Variants in CFAP54 observed in about 807,000 individuals in gnomAD.
The protein encoded by CFAP54 is cilia- and flagella-associated protein 54.
CFAP54 carries 290 observed loss-of-function variants against 370.4 expected under a neutral mutation model. That is an observed-to-expected ratio of 0.78 (90% CI 0.71 to 0.86). The LOEUF (loss-of-function observed/expected upper bound fraction) is 0.86, where lower values mean the gene tolerates loss of function less well. Among genes scored for constraint, CFAP54 ranks in the 40% least tolerant of loss-of-function variants. The pLI is 0.00. For synonymous variants in CFAP54, 1,206 were observed against 1,236.5 expected (o/e 0.98, Z 0.52); for missense variants, 3,399 against 3,528.7 (o/e 0.96, Z 0.93).
At chr12:96,538,276 A>G in intron 12 of CFAP54, 108 bp from the exon 13 acceptor site, 3 of 969,274 alleles carry the variant, frequency 3.1e-6, no homozygotes, top group Non-Finnish European at 4.5e-6. Context: ...TGAAGATTCA[A>G]CATGTTAGTA....
At chr12:96,803,772 G>A (rs544785494) in intron 63 of CFAP54, among the ~76,000 whole-genome samples, 2 of 152,150 alleles carry the variant, frequency 1.3e-5, no homozygotes, top group East Asian at 3.9e-4. Flanking sequence ...TCATAAAATT[G>A]GAACAAGTAA....
intron 15 of CFAP54, among the ~76,000 whole-genome samples, chr12:96,552,044 C>T (rs145290081): frequency 0.097 from 14,649 of 151,790 alleles, 849 homozygotes; most frequent in Middle Eastern, 0.17. Flanking sequence ...GTCAGGAGTT[C>T]GAGACAAGCC....
chr12:96,622,011 C>G (rs1253568253), intron 27 of CFAP54, among the ~76,000 whole-genome samples: 2 of 149,082 alleles, frequency 1.3e-5, no homozygotes, highest in African/African-American at 4.9e-5. Context: ...CTTCTTACAC[C>G]CAGTTGGACA....
chr12:96,817,756 A>G lies in CFAP54; in HGVS notation c.8958-19A>G. 7.1e-7 allele frequency: 1 copy of G among 1,410,134 alleles called. No individual in the cohort carries two copies. Among genetic ancestry groups the G allele is most frequent in the Non-Finnish European group, 9.4e-7 (1 of 1,065,144 alleles). The allele number at this position is 1,410,134 out of a possible 1,614,324, so 87.4% of individuals were successfully genotyped here. On this transcript the variant is annotated intron_variant, in intron 64 of 67. Coordinates refer to ENST00000524981, the MANE Select transcript of CFAP54 (RefSeq NM_001306084.2). ...TCTTAACTCTTCAAATAAAATACAT[A>G]TATATTTGTTATTTTCAGGGTTATT... is the stretch of plus-strand genomic sequence containing the variant.
chr12:96,746,929 C>T (rs562044642), intron 55 of CFAP54, among the ~76,000 whole-genome samples: 2 of 152,336 alleles, frequency 1.3e-5, no homozygotes, highest in African/African-American at 2.4e-5. Flanking sequence ...AGCATCACTG[C>T]TTCCAGGAAA....
intron 48 of CFAP54, among the ~76,000 whole-genome samples, chr12:96,712,511 C>T (rs1957626674): frequency 6.6e-6 from 1 of 152,066 alleles, no homozygotes; most frequent in Non-Finnish European, 1.5e-5. Context: ...AAACACTTGT[C>T]ATTTCTTTGT....
chr12:96,688,192 C>T (rs1326729058), intron 42 of CFAP54, among the ~76,000 whole-genome samples: 1 of 152,118 alleles, frequency 6.6e-6, no homozygotes, highest in Non-Finnish European at 1.5e-5. Context: ...AATTTTAAGA[C>T]TCATATATAG....
intron 30 of CFAP54, among the ~76,000 whole-genome samples, chr12:96,628,252 C>T (rs539884321): frequency 3.9e-5 from 6 of 152,150 alleles, no homozygotes; most frequent in Non-Finnish European, 7.4e-5. Context: ...TCCTCAGTAA[C>T]GCTGACTTGA....
intron 50 of CFAP54, among the ~76,000 whole-genome samples, chr12:96,721,935 C>T (rs1306300878): frequency 6.6e-6 from 1 of 152,114 alleles, no homozygotes; most frequent in East Asian, 1.9e-4. Flanking sequence ...ATTTTAAAAT[C>T]GTGTGGTTGT....
At chr12:96,505,465 C>CT (rs1455691667) in intron 3 of CFAP54, among the ~76,000 whole-genome samples, 1 of 150,224 alleles carries the variant, frequency 6.7e-6, no homozygotes, top group African/African-American at 2.5e-5. Context: ...TGCTCTCTCT[C>CT]TTTTTCTGAG....
Position 96,744,117 on chromosome 12 carries a change from T to C in CFAP54, c.7655T>C (p.Met2552Thr), listed in dbSNP as rs768895864. The change falls in exon 55 of 68, where the codon ATG (methionine) becomes ACG (threonine). Residue 2552 changes from methionine to threonine, a missense_variant. Physicochemically the swap from Met to Thr is moderately conservative, Grantham distance 81 (BLOSUM62 -1). Around this residue, in one of 3 missense-constraint regions of CFAP54, gnomAD observed 2,796 missense variants for 2,869.7 expected, o/e 0.97. Transcript: ENST00000524981. ...PLKNIYLPHV[M>T]LLAKIKMRIG... ...AAAAATATCTATCTTCCCCATGTCA[T>C]GTTATTGGCCAAAATAAAAATGAGA... The C allele has an allele frequency of 6.2e-7, 1 of 1,609,372 alleles. No homozygotes were observed. Among genetic ancestry groups the C allele is most frequent in the Admixed American group, 1.7e-5 (1 of 59,786 alleles).
chr12:96,704,066 A>G (rs1310752556), intron 46 of CFAP54, among the ~76,000 whole-genome samples: 3 of 152,198 alleles, frequency 2.0e-5, no homozygotes, highest in African/African-American at 7.2e-5. Context: ...GTTTACAAAT[A>G]ATGATATGGG....
intron 66 of CFAP54, among the ~76,000 whole-genome samples, chr12:96,832,860 G>A (rs886985061): frequency 6.6e-6 from 1 of 152,142 alleles, no homozygotes; most frequent in Non-Finnish European, 1.5e-5. Context: ...ATGGCTTCCA[G>A]CTAACTTCCA....
intron 62 of CFAP54, among the ~76,000 whole-genome samples, chr12:96,789,684 C>T (rs1197775343): frequency 3.3e-5 from 5 of 152,256 alleles, no homozygotes; most frequent in Admixed American, 2.0e-4. Flanking sequence ...AGCTTGAATA[C>T]GTTGTAAATA....
intron 32 of CFAP54, among the ~76,000 whole-genome samples, chr12:96,632,927 C>A (rs1956623681): frequency 6.6e-6 from 1 of 151,968 alleles, no homozygotes. Flanking sequence ...CTATGATTTT[C>A]TCCATAACCG....
intron 39 of CFAP54, among the ~76,000 whole-genome samples, chr12:96,666,942 A>G (rs904074287): frequency 2.0e-5 from 3 of 152,238 alleles, no homozygotes; most frequent in South Asian, 4.1e-4. Flanking sequence ...CAAGTTAGTT[A>G]CTTCCTAGAT....
intron 50 of CFAP54, among the ~76,000 whole-genome samples, chr12:96,729,486 G>A (rs544732553): frequency 6.6e-6 from 1 of 152,352 alleles, no homozygotes; most frequent in Admixed American, 6.5e-5. Flanking sequence ...AGGACCCTCC[G>A]AGCCAGGTGC....
intron 63 of CFAP54, among the ~76,000 whole-genome samples, chr12:96,796,550 C>T (rs1413293067): frequency 6.6e-6 from 1 of 152,100 alleles, no homozygotes; most frequent in African/African-American, 2.4e-5. Flanking sequence ...AGCAATAGTA[C>T]TAGTGTACTG....
At position 96,696,047 on chromosome 12, in the gene CFAP54, C is replaced by T. The variant is rs146830360; in HGVS notation, c.6351+2239C>T. Among the ~76,000 whole-genome samples the T allele has an allele frequency of 3.3e-3, 496 of 152,214 alleles. 8 individuals carry two copies. The highest frequency in any genetic ancestry group is 6.9e-3 in the East Asian group (36 of 5,184). On this transcript the variant is annotated intron_variant, in intron 45 of 67. Transcript: ENST00000524981. ...AAAATGGCTTTGAATCTTTAGGTTT[C>T]ATAAGTAGGTAAGATTTAGACTTGA...
Sources: allele counts gnomAD v4.1 joint callset (sites outside exome capture counted in the v4.1 genomes callset), GRCh38; gene constraint gnomAD v4.1.1; regional missense constraint gnomAD v4.1.1; transcripts MANE v1.5; gene names NCBI Gene and HGNC (gene_info 2026-07-23, HGNC 2026-07-21).